Variants in COP1 observed in about 807,000 individuals in gnomAD.
The protein encoded by COP1 is E3 ubiquitin-protein ligase COP1.
Under a neutral mutation model 101.3 loss-of-function variants are expected in COP1, and 24 were observed. That is an observed-to-expected ratio of 0.24 (90% confidence interval 0.17 to 0.33). The LOEUF (loss-of-function observed/expected upper bound fraction) is 0.33, where lower values mean the gene tolerates loss of function less well. Among genes scored for constraint, COP1 ranks in the 10% least tolerant of loss-of-function variants. The pLI, the probability that COP1 is intolerant of heterozygous loss-of-function variation, is 1.00. For missense variants in COP1, 663 were observed against 906.2 expected, an observed-to-expected ratio of 0.73 and a Z score of 3.45; for synonymous variants, 347 against 341.9, an observed-to-expected ratio of 1.01 and a Z score of -0.17.
chr1:176,085,698 C>T, intron 10 of COP1, 78 bp downstream of exon 10: 1 of 775,860 alleles, frequency 1.3e-6, no homozygotes, highest in Admixed American at 2.3e-5. Flanking sequence ...TTAGGACTTT[C>T]CATAAATTCA....
At chr1:176,019,202 C>T (rs1666230237) in intron 15 of COP1, among the ~76,000 whole-genome samples, 1 of 151,000 alleles carries the variant, frequency 6.6e-6, no homozygotes, top group Admixed American at 6.6e-5. Flanking sequence ...TGGTGGTTCA[C>T]ACCTGTAATC....
intron 1 of COP1, among the ~76,000 whole-genome samples, chr1:176,197,651 T>C (rs539388272): frequency 6.6e-6 from 1 of 152,286 alleles, no homozygotes; most frequent in Admixed American, 6.5e-5. Context: ...CAAAAAATCC[T>C]TTTAAACAAT....
chr1:175,986,265 C>T (rs980504152), intron 18 of COP1, among the ~76,000 whole-genome samples: 14 of 152,016 alleles, frequency 9.2e-5, no homozygotes, highest in African/African-American at 2.7e-4. Context: ...GTGATTTGCC[C>T]GCCTCGGCCT....
At chr1:176,164,032 TTTTTA>T (rs1371156067) in intron 3 of COP1, 141 bp from the exon 4 acceptor site, 4 of 516,184 alleles carry the variant, frequency 7.7e-6, no homozygotes, top group African/African-American at 5.9e-5. Flanking sequence ...AAGTGTTAGC[TTTTTA>T]TTTTATTTCA....
At chr1:176,144,056 G>A (rs1045999419) in intron 6 of COP1, among the ~76,000 whole-genome samples, 10 of 152,122 alleles carry the variant, frequency 6.6e-5, no homozygotes, top group African/African-American at 2.4e-4. Context: ...TCAAGACTAG[G>A]ATGCCCCGCT....
chr1:175,995,666 C>T (rs996555444), intron 15 of COP1, among the ~76,000 whole-genome samples: 83 of 152,290 alleles, frequency 5.5e-4, no homozygotes, highest in African/African-American at 1.4e-3. Context: ...ATAAATTCCT[C>T]GACACATACA....
chr1:176,042,594 G>A (rs61820969), intron 14 of COP1, among the ~76,000 whole-genome samples: 9,762 of 149,314 alleles, frequency 0.065, 404 homozygotes, highest in Middle Eastern at 0.12. Flanking sequence ...AGCCAAGTGT[G>A]GTGGTACACA....
At chr1:176,055,701 A>G (rs1276017451) in intron 11 of COP1, among the ~76,000 whole-genome samples, 1 of 152,216 alleles carries the variant, frequency 6.6e-6, no homozygotes. Context: ...ATCCCCTGCC[A>G]AACATCTAGT....
At chr1:175,971,064 A>G (rs772322232) in intron 18 of COP1, among the ~76,000 whole-genome samples, 7 of 152,260 alleles carry the variant, frequency 4.6e-5, no homozygotes, top group Non-Finnish European at 1.0e-4. Context: ...AAGACATTTC[A>G]AAGAAAGCAT....
At chr1:176,181,626 A>G (rs538880896) in intron 2 of COP1, among the ~76,000 whole-genome samples, 1 of 152,116 alleles carries the variant, frequency 6.6e-6, no homozygotes, top group African/African-American at 2.4e-5. Flanking sequence ...GCGGATCACA[A>G]GGTCACGAGA....
At chr1:175,981,302 T>C (rs1655803467) in intron 18 of COP1, among the ~76,000 whole-genome samples, 1 of 152,324 alleles carries the variant, frequency 6.6e-6, no homozygotes, top group Non-Finnish European at 1.5e-5. Flanking sequence ...TCACTGTCTG[T>C]TGGCTTCCAC....
intron 11 of COP1, among the ~76,000 whole-genome samples, chr1:176,064,206 A>G (rs1172385570): frequency 1.3e-5 from 2 of 152,222 alleles, no homozygotes; most frequent in Non-Finnish European, 2.9e-5. Context: ...TTGCATAAAA[A>G]CAAACCCAAT....
intron 8 of COP1, among the ~76,000 whole-genome samples, chr1:176,117,906 A>C (rs1686479600): frequency 2.0e-5 from 3 of 152,150 alleles, no homozygotes; most frequent in South Asian, 2.1e-4. Context: ...AAAAACAAAC[A>C]AACAAACAAA....
At chr1:176,045,238 T>G (rs1671306717) in intron 12 of COP1, among the ~76,000 whole-genome samples, 1 of 152,132 alleles carries the variant, frequency 6.6e-6, no homozygotes, top group African/African-American at 2.4e-5. Context: ...ATATAAGAAT[T>G]CAATAAACTT....
intron 18 of COP1, among the ~76,000 whole-genome samples, chr1:175,967,628 T>C (rs1652326378): frequency 6.6e-6 from 1 of 152,232 alleles, no homozygotes; most frequent in African/African-American, 2.4e-5. Flanking sequence ...ACCAAGATTT[T>C]GAATTCAGTA....
chr1:176,134,407 A>G (rs956375926), intron 8 of COP1, among the ~76,000 whole-genome samples: 1 of 152,050 alleles, frequency 6.6e-6, no homozygotes, highest in Non-Finnish European at 1.5e-5. Flanking sequence ...AAACACACAC[A>G]TTCACCATGC....
Position 176,070,145 on chromosome 1 carries a change from T to C in COP1, c.1277+11007A>G, listed in dbSNP as rs540244386. On this transcript the variant is annotated intron_variant, in intron 11 of 19. Coordinates refer to ENST00000367669, the MANE Select transcript of COP1 (RefSeq NM_022457.7). ...TCCCCATCTCTGTAAATGATACCCA[T>C]ATTTTCCCTGCCCAGCTGCTCCAAC... is the stretch of plus-strand genomic sequence containing the variant. Among the ~76,000 whole-genome samples, 7 of 152,266 alleles carry C rather than the reference T, an allele frequency of 4.6e-5. No homozygotes were observed. The South Asian group carries it at 1.5e-3, about 32-fold the overall frequency.
At chr1:176,141,624 G>C (rs1690697758) in intron 6 of COP1, among the ~76,000 whole-genome samples, 1 of 151,996 alleles carries the variant, frequency 6.6e-6, no homozygotes, top group South Asian at 2.1e-4. Flanking sequence ...CAAAACCCTT[G>C]TCATCCCATA....
intron 11 of COP1, among the ~76,000 whole-genome samples, chr1:176,069,109 T>C (rs1438751384): frequency 6.6e-6 from 1 of 151,514 alleles, no homozygotes; most frequent in Non-Finnish European, 1.5e-5. Flanking sequence ...CACTTGAGCC[T>C]AGGAGGTCAA....
Sources: gnomAD v4.1 joint callset for allele counts (sites outside exome capture counted in the v4.1 genomes callset) on GRCh38, gnomAD v4.1.1 for gene constraint, MANE v1.5 for transcripts, NCBI Gene and HGNC (gene_info 2026-07-23, HGNC 2026-07-21) for gene names.